The following MAPK4 variants were observed in gnomAD, a reference collection of about 807,000 sequenced individuals.
The protein encoded by MAPK4 is Erk3-related.
In MAPK4, 22 loss-of-function variants were observed where a neutral mutation model predicts 47.7. That is an observed-to-expected ratio of 0.46 (90% CI 0.33 to 0.66). The LOEUF is 0.66. Ranked by LOEUF, MAPK4 falls within the 30% of genes least tolerant of loss-of-function variation. MAPK4 has a pLI of 0.02. For synonymous variants in MAPK4, 390 were observed against 365.7 expected (o/e 1.07, Z -0.76); for missense variants, 736 against 831.7 (o/e 0.88, Z 1.42).
At position 50,687,696 on chromosome 18, in the gene MAPK4, G is replaced by C. The variant is rs78961685; in HGVS notation, c.546+23192G>C. ...CAGCGAGACTCTGCGGTGTGACCTC[G>C]CCTGGCAACTCGAGAAGAGCAGTCT... On this transcript the variant is annotated intron_variant, in intron 2 of 5. Coordinates refer to ENST00000400384, the MANE Select transcript of MAPK4 (RefSeq NM_002747.4). 6.7e-4 allele frequency among the ~76,000 whole-genome samples: 102 copies of C among 151,874 alleles called. 1 individual carries two copies. The highest frequency in any genetic ancestry group is 6.5e-3 in the Admixed American group (99 of 15,280).
chr18:50,722,051 G>A lies in MAPK4; in HGVS notation c.805G>A (p.Glu269Lys). The A allele has an allele frequency of 6.2e-7, 1 of 1,613,660 alleles. No individual in the cohort carries two copies. Among genetic ancestry groups the A allele is most frequent in the Non-Finnish European group, 8.5e-7 (1 of 1,179,802 alleles). Residue 269 changes from glutamate to lysine, a missense_variant, in exon 4 of 6, where the codon GAG (glutamate) becomes AAG (lysine). Glu to Lys is a moderately conservative substitution (Grantham distance 56). Coordinates refer to ENST00000400384, the MANE Select transcript of MAPK4 (RefSeq NM_002747.4). ...VMPSFVSSTW[E>K]VKRPLRKLLP... ...GCCTTCCTTTGTCAGCAGCACCTGGGAGGTGAAGAGGCCTCTGCGCAAGCT... is the reference window on the plus strand; with the variant it reads ...GCCTTCCTTTGTCAGCAGCACCTGGAAGGTGAAGAGGCCTCTGCGCAAGCT...
At chr18:50,668,777 T>C (rs1050989646) in intron 2 of MAPK4, among the ~76,000 whole-genome samples, 1 of 152,212 alleles carries the variant, frequency 6.6e-6, no homozygotes, top group African/African-American at 2.4e-5. Context: ...ATCCCTGGCT[T>C]TTCACAGATG....
At chr18:50,569,581 G>T (rs1230012635) in intron 1 of MAPK4, among the ~76,000 whole-genome samples, 1 of 152,140 alleles carries the variant, frequency 6.6e-6, no homozygotes, top group Non-Finnish European at 1.5e-5. Flanking sequence ...TACAGTCGTG[G>T]GTTCTTAGTT....
At chr18:50,687,198 T>C (rs1208043812) in intron 2 of MAPK4, among the ~76,000 whole-genome samples, 1 of 152,062 alleles carries the variant, frequency 6.6e-6, no homozygotes, top group Non-Finnish European at 1.5e-5. Context: ...ATTTTTTTTC[T>C]ATTTTTTATA....
At chr18:50,716,728 C>CTCCTAACCA (rs1157523128) in intron 3 of MAPK4, among the ~76,000 whole-genome samples, 1 of 152,140 alleles carries the variant, frequency 6.6e-6, no homozygotes, top group Non-Finnish European at 1.5e-5. Context: ...CCGCCCTGTC[C>CTCCTAACCA]TCCTAACCAT....
intron 2 of MAPK4, among the ~76,000 whole-genome samples, chr18:50,676,892 A>G (rs922319687): frequency 6.6e-6 from 1 of 152,192 alleles, no homozygotes; most frequent in Admixed American, 6.5e-5. Flanking sequence ...ATAACTAAAC[A>G]TTTTTTTAAA....
At chr18:50,584,318 G>C (rs1269542459) in intron 1 of MAPK4, among the ~76,000 whole-genome samples, 1 of 152,128 alleles carries the variant, frequency 6.6e-6, no homozygotes, top group African/African-American at 2.4e-5. Flanking sequence ...TCAAATCAGA[G>C]AGTGCAAATC....
At chr18:50,628,933 A>C (rs1217739205) in intron 1 of MAPK4, among the ~76,000 whole-genome samples, 1 of 152,240 alleles carries the variant, frequency 6.6e-6, no homozygotes, top group Non-Finnish European at 1.5e-5. Flanking sequence ...ATTTTATTTT[A>C]TATCCAGATT....
chr18:50,617,601 CG>C (rs1835691508), intron 1 of MAPK4, among the ~76,000 whole-genome samples: 3 of 152,240 alleles, frequency 2.0e-5, no homozygotes, highest in Admixed American at 1.3e-4. Context: ...GTGGTTGTAC[CG>C]ACCTGTAGGA....
chr18:50,691,241 G>A (rs538514266), intron 2 of MAPK4, among the ~76,000 whole-genome samples: 22 of 152,068 alleles, frequency 1.4e-4, no homozygotes, highest in Non-Finnish European at 1.5e-4. Context: ...CAATCCGCCC[G>A]CCTTGGCCTC....
At chr18:50,590,345 G>A (rs1174082896) in intron 1 of MAPK4, among the ~76,000 whole-genome samples, 3 of 152,200 alleles carry the variant, frequency 2.0e-5, no homozygotes, top group Non-Finnish European at 4.4e-5. Context: ...TAGGAAATAT[G>A]TTTTTACCCA....
chr18:50,601,333 CAAAAAAAAAA>C (rs35148592), intron 1 of MAPK4, among the ~76,000 whole-genome samples: 6 of 53,188 alleles, frequency 1.1e-4, no homozygotes, highest in African/African-American at 2.4e-4. Context: ...GACTCTATGT[CAAAAAAAAAA>C]AAAAAAAAAA....
chr18:50,701,781 A>T (rs1909799506), intron 2 of MAPK4, among the ~76,000 whole-genome samples: 3 of 152,240 alleles, frequency 2.0e-5, no homozygotes, highest in African/African-American at 7.2e-5. Context: ...CTTATAGGTC[A>T]TGTACAAAAG....
At chr18:50,724,544 G>T (rs1285412173) in intron 4 of MAPK4, among the ~76,000 whole-genome samples, 1 of 152,202 alleles carries the variant, frequency 6.6e-6, no homozygotes, top group African/African-American at 2.4e-5. Flanking sequence ...CTAGGAATTT[G>T]TCAGGCAGAT....
chr18:50,585,517 T>TA (rs1221577356), intron 1 of MAPK4, among the ~76,000 whole-genome samples: 2 of 152,158 alleles, frequency 1.3e-5, no homozygotes. Context: ...CAGAGAATGT[T>TA]AAAGTTGCAT....
chr18:50,660,832 GGTGGA>G (rs2043163274), intron 1 of MAPK4, among the ~76,000 whole-genome samples: 1 of 152,156 alleles, frequency 6.6e-6, no homozygotes, highest in African/African-American at 2.4e-5. Context: ...CCACAAGAAA[GGTGGA>G]GTGGCTGGAA....
intron 1 of MAPK4, among the ~76,000 whole-genome samples, chr18:50,662,242 T>C (rs2043179812): frequency 6.6e-6 from 1 of 152,240 alleles, no homozygotes; most frequent in African/African-American, 2.4e-5. Flanking sequence ...AACCTGCCAG[T>C]CTCTTAGACG....
At chr18:50,722,996 G>A (rs188605833) in intron 4 of MAPK4, among the ~76,000 whole-genome samples, 50 of 152,326 alleles carry the variant, frequency 3.3e-4, no homozygotes, top group African/African-American at 8.7e-4. Context: ...AACATCCGGG[G>A]AGGGTGAGCC....
chr18:50,566,687 G>A (rs2042201385), intron 1 of MAPK4, among the ~76,000 whole-genome samples: 1 of 152,252 alleles, frequency 6.6e-6, no homozygotes, highest in Non-Finnish European at 1.5e-5. Context: ...CAGAAAAATT[G>A]AGACGGTTCA....
Sources: gnomAD v4.1 joint callset for allele counts (sites outside exome capture counted in the v4.1 genomes callset) on GRCh38, gnomAD v4.1.1 for gene constraint, MANE v1.5 for transcripts, NCBI Gene and HGNC (gene_info 2026-07-23, HGNC 2026-07-21) for gene names.